The following UBXN4 variants were observed in gnomAD, a reference collection of about 807,000 sequenced individuals.
UBXN4 encodes UBX domain protein 4.
Under a neutral mutation model 66.2 loss-of-function variants are expected in UBXN4, and 35 were observed. The observed-to-expected ratio is 0.53, with a 90% CI of 0.40 to 0.70. The LOEUF is 0.70. Ranked by LOEUF, UBXN4 falls within the 30% of genes least tolerant of loss-of-function variation. UBXN4 has a pLI of 0.00. For missense variants in UBXN4, 533 were observed against 599.8 expected (o/e 0.89, Z 1.16); for synonymous variants, 203 against 204.5 (o/e 0.99, Z 0.06).
chr2:135,776,092 A>T (rs898396280), intron 9 of UBXN4, among the ~76,000 whole-genome samples, 157 bp from the exon 10 acceptor site: 3 of 152,178 alleles, frequency 2.0e-5, no homozygotes, highest in Admixed American at 6.5e-5. Context: ...TTTTTATATG[A>T]ATCTCAGTAA....
At chr2:135,761,988 A>G (rs2077319060) in intron 6 of UBXN4, 77 bp downstream of exon 6, 1 of 1,390,800 alleles carries the variant, frequency 7.2e-7, no homozygotes, top group East Asian at 2.4e-5. Context: ...TTTGAATTAA[A>G]GCTAAAGTTA....
rs1218965855 is a variant in UBXN4 at position 135,755,500 on chromosome 2, AT to A, written c.334-14del. ...ATTCTTATCTATTAATTAAAATCCA[AT>A]TTATTTTCTGCCTAGATGCATTTGC... On this transcript the variant is annotated splice_polypyrimidine_tract_variant and intron_variant, in intron 4 of 12. Coordinates refer to ENST00000272638, the MANE Select transcript of UBXN4 (RefSeq NM_014607.4). The A allele has an allele frequency of 6.5e-7, 1 of 1,539,828 alleles. No individual in the cohort carries two copies.
chr2:135,754,726 T>C (rs1212899758), intron 4 of UBXN4, among the ~76,000 whole-genome samples: 2 of 152,310 alleles, frequency 1.3e-5, no homozygotes, highest in African/African-American at 4.8e-5. Flanking sequence ...TTTTTGTAAA[T>C]AGCATGAAGT....
chr2:135,765,525 A>T (rs533937009), intron 6 of UBXN4, among the ~76,000 whole-genome samples: 9 of 152,330 alleles, frequency 5.9e-5, no homozygotes, highest in African/African-American at 2.2e-4. Context: ...CATTATGTTT[A>T]AAATGGGCAG....
chr2:135,758,388 T>C (rs1456356646), intron 5 of UBXN4, among the ~76,000 whole-genome samples: 4 of 152,152 alleles, frequency 2.6e-5, no homozygotes, highest in Middle Eastern at 6.8e-3. Context: ...TTTTTAATTA[T>C]ATTCTTTGCA....
intron 5 of UBXN4, among the ~76,000 whole-genome samples, chr2:135,761,230 A>G (rs1041460850): frequency 3.3e-5 from 5 of 152,212 alleles, no homozygotes; most frequent in East Asian, 1.9e-4. Flanking sequence ...ACAAAAGTCT[A>G]TCTTTCAGGA....
At chr2:135,774,041 T>C (rs2077398268) in intron 9 of UBXN4, among the ~76,000 whole-genome samples, 1 of 152,296 alleles carries the variant, frequency 6.6e-6, no homozygotes, top group African/African-American at 2.4e-5. Context: ...AAAATTCATA[T>C]GGAAATGCAA....
At chr2:135,752,972 C>T (rs929102813) in intron 2 of UBXN4, among the ~76,000 whole-genome samples, 4 of 149,714 alleles carry the variant, frequency 2.7e-5, no homozygotes, top group African/African-American at 9.9e-5. Context: ...CCCGCCTTGG[C>T]CTCCCAAAGT....
intron 1 of UBXN4, chr2:135,742,641 G>C (rs1384080560): frequency 2.6e-5 from 4 of 152,342 alleles, no homozygotes; most frequent in African/African-American, 9.6e-5. Flanking sequence ...ATTAGTTGTG[G>C]ACTGTCGGGA....
Position 135,769,784 on chromosome 2 carries a change from T to G in UBXN4, c.618T>G (p.Leu206=). 1 of 1,591,750 alleles carries G rather than the reference T, an allele frequency of 6.3e-7. No homozygotes were observed. The highest frequency in any genetic ancestry group is 1.4e-5 in the African/African-American group (1 of 73,544). ...TTTAATACAGACTAACAAAAAAACT[T>G]GAAGAAAGGAGAGAAGAGAAAAGAA... ...NIRVERLTKK[L]EERREEKRKE... is the part of the protein sequence containing the mutation. Residue 206 remains leucine, a synonymous_variant, in exon 7 of 13, where the codon CTT becomes CTG. Coordinates refer to ENST00000272638, the MANE Select transcript of UBXN4 (RefSeq NM_014607.4).
chr2:135,761,319 T>G (rs566037704), intron 5 of UBXN4, among the ~76,000 whole-genome samples: 1 of 152,346 alleles, frequency 6.6e-6, no homozygotes, highest in Non-Finnish European at 1.5e-5. Flanking sequence ...CTTGGACCAG[T>G]GTAAGTCCAG....
intron 12 of UBXN4, among the ~76,000 whole-genome samples, chr2:135,781,293 A>C (rs983623098): frequency 2.0e-5 from 3 of 152,228 alleles, no homozygotes; most frequent in African/African-American, 7.2e-5. Flanking sequence ...CAACACTGAC[A>C]ATTTTAACTC....
chr2:135,755,189 T>C (rs2077272108), intron 4 of UBXN4, among the ~76,000 whole-genome samples: 1 of 152,002 alleles, frequency 6.6e-6, no homozygotes, highest in Non-Finnish European at 1.5e-5. Flanking sequence ...TAATATATTT[T>C]AAGGACGTTA....
chr2:135,742,707 C>G (rs1020734198), intron 1 of UBXN4: 3 of 152,074 alleles, frequency 2.0e-5, no homozygotes, highest in African/African-American at 7.2e-5. Context: ...TTCACGGTTA[C>G]TGGTGTTAGT....
At position 135,770,698 on chromosome 2, in the gene UBXN4, G is replaced by A. The variant is rs770614851; in HGVS notation, c.785G>A (p.Arg262Lys). The stretch of plus-strand genomic sequence containing the variant: ...AGAAACAGAGAGAAAGCAGAAGATA[G>A]GGCAGCTCGAGAACGTATAAAACAG... ...EERNREKAED[R>K]AARERIKQQI... The change falls in exon 8 of 13, where the codon AGG becomes AAG. Residue 262 changes from arginine (R) to lysine (K), a missense_variant. Arg to Lys is a conservative substitution (Grantham distance 26). Around this residue, in one of 2 missense-constraint regions of UBXN4, gnomAD observed 529 missense variants for 580.1 expected, o/e 0.91. Coordinates refer to ENST00000272638, the MANE Select transcript of UBXN4 (RefSeq NM_014607.4). 2.9e-5 allele frequency: 46 copies of A among 1,562,664 alleles called. No homozygotes were observed. Among genetic ancestry groups the A allele is most frequent in the Non-Finnish European group, 3.9e-5 (46 of 1,164,714 alleles).
At chr2:135,768,945 T>A (rs1171492803) in intron 6 of UBXN4, among the ~76,000 whole-genome samples, 3 of 152,016 alleles carry the variant, frequency 2.0e-5, no homozygotes, top group Non-Finnish European at 2.9e-5. Context: ...TAGGCTATCC[T>A]CCTGCCTCAG....
At chr2:135,747,595 A>G in intron 1 of UBXN4, 1 of 456,448 alleles carries the variant, frequency 2.2e-6, no homozygotes, top group South Asian at 1.5e-5. Context: ...GAGATGTTGA[A>G]CTCAACAGAA....
chr2:135,743,388 T>G (rs908016134), intron 1 of UBXN4, among the ~76,000 whole-genome samples: 2 of 152,236 alleles, frequency 1.3e-5, no homozygotes, highest in Non-Finnish European at 2.9e-5. Context: ...AATGACACTA[T>G]GCTTATTGTG....
chr2:135,770,876 T>G, intron 8 of UBXN4, 141 bp downstream of exon 8: 1 of 818,394 alleles, frequency 1.2e-6, no homozygotes, highest in African/African-American at 1.8e-5. Context: ...TTAGAAATTG[T>G]AAATGAATTA....
Sources: allele counts gnomAD v4.1 joint callset (sites outside exome capture counted in the v4.1 genomes callset), GRCh38; gene constraint gnomAD v4.1.1; regional missense constraint gnomAD v4.1.1; transcripts MANE v1.5; gene names NCBI Gene and HGNC (gene_info 2026-07-23, HGNC 2026-07-21).